Variants in PCDHA8 observed in about 807,000 individuals in gnomAD.
The protein encoded by PCDHA8 is protocadherin alpha 8, also known as protocadherin alpha-8.
PCDHA8 carries 53 observed loss-of-function variants against 61.8 expected under a neutral mutation model. The observed-to-expected ratio is 0.86, with a 90% CI of 0.69 to 1.08. The LOEUF is 1.08. Among genes scored for constraint, PCDHA8 ranks in the 50% least tolerant of loss-of-function variants. The pLI is 0.00. For synonymous variants in PCDHA8, 618 were observed against 556.6 expected, an observed-to-expected ratio of 1.11 and a Z score of -1.55; for missense variants, 1,293 against 1,245.0, an observed-to-expected ratio of 1.04 and a Z score of -0.58.
chr5:140,870,825 C>T, intron 1 of PCDHA8: 1 of 1,613,726 alleles, frequency 6.2e-7, no homozygotes, highest in Non-Finnish European at 8.5e-7. Flanking sequence ...GCGCGGGAGG[C>T]GCAGTTAACA....
intron 1 of PCDHA8, among the ~76,000 whole-genome samples, chr5:140,945,549 G>A (rs246058): frequency 0.56 from 85,718 of 151,780 alleles, 24,784 homozygotes; most frequent in African/African-American, 0.69. Context: ...ACAAAAAAAT[G>A]AAGCTGAAGA....
rs1554205708 is a variant in PCDHA8 at position 140,928,289 on chromosome 5, G to A, written c.2395-50660G>A. 3.1e-6 allele frequency: 5 copies of A among 1,614,170 alleles called. No individual in the cohort carries two copies. In the East Asian group the frequency reaches 6.7e-5, roughly 22 times the overall value. ...AATGGCCCTGGGGCCTCTCTAGGCC[G>A]AGTGTTTGCCCAGGACCCCGACCTG... is the stretch of plus-strand genomic sequence containing the variant. On this transcript the variant is annotated intron_variant, in intron 1 of 3. Coordinates refer to ENST00000531613, the MANE Select transcript of PCDHA8 (RefSeq NM_018911.3).
intron 1 of PCDHA8, chr5:140,969,021 C>T (rs2096289420): frequency 8.1e-6 from 13 of 1,614,146 alleles, no homozygotes; most frequent in Non-Finnish European, 1.1e-5. Context: ...AGGGAAAGGT[C>T]CCCTGCAGAA....
At chr5:140,901,485 C>T (rs894282962) in intron 1 of PCDHA8, among the ~76,000 whole-genome samples, 1 of 152,086 alleles carries the variant, frequency 6.6e-6, no homozygotes, top group African/African-American at 2.4e-5. Context: ...GTTCTTGGCA[C>T]CTTCATCGAA....
chr5:140,973,923 C>T (rs1157032594), intron 1 of PCDHA8, among the ~76,000 whole-genome samples: 1 of 152,170 alleles, frequency 6.6e-6, no homozygotes, highest in African/African-American at 2.4e-5. Flanking sequence ...TCACCAAACC[C>T]AGAGGTTTAG....
rs142640080 is a variant in PCDHA8 at position 140,917,521 on chromosome 5, C to T, written c.2395-61428C>T. Among the ~76,000 whole-genome samples the T allele has an allele frequency of 5.8e-4, 88 of 152,256 alleles. 1 individual carries two copies. In the East Asian group the frequency reaches 0.015, roughly 26 times the overall value. On this transcript the variant is annotated intron_variant, in intron 1 of 3. Transcript: ENST00000531613. ...ATGATATTTTCTAGGTTTTATTCTA[C>T]GGTTTGTATAGTTTTAGGTTTTACA...
chr5:140,846,328 A>G (rs188043229), intron 1 of PCDHA8, among the ~76,000 whole-genome samples: 2 of 147,118 alleles, frequency 1.4e-5, no homozygotes, highest in East Asian at 3.9e-4. Flanking sequence ...TGTTGTAAAT[A>G]GCCTTTTAAA....
chr5:140,978,688 G>A (rs1258023605), intron 1 of PCDHA8, among the ~76,000 whole-genome samples: 2 of 152,238 alleles, frequency 1.3e-5, no homozygotes, highest in African/African-American at 4.8e-5. Context: ...TATTGGGCAA[G>A]GCAAAGCCAA....
intron 1 of PCDHA8, chr5:140,868,693 T>C (rs1284176343): frequency 5.7e-6 from 1 of 176,810 alleles, no homozygotes; most frequent in African/African-American, 2.4e-5. Flanking sequence ...TAATGTTAAG[T>C]CAAACATAGA....
intron 1 of PCDHA8, chr5:140,927,419 G>T (rs781883331): frequency 1.9e-6 from 3 of 1,614,140 alleles, no homozygotes; most frequent in South Asian, 2.2e-5. Flanking sequence ...ATGGGATCGC[G>T]GGTTGACGGC....
At chr5:140,968,190 C>A (rs782155295) in intron 1 of PCDHA8, 2 of 1,613,954 alleles carry the variant, frequency 1.2e-6, no homozygotes, top group African/African-American at 2.7e-5. Flanking sequence ...GACTCCTATT[C>A]CATCTACATA....
chr5:140,842,869 G>A lies in PCDHA8; in HGVS notation c.1548G>A (p.Lys516=), dbSNP rs1562404536. Residue 516 remains lysine (K), a synonymous_variant, in exon 1 of 4, where the codon AAG becomes AAA. Coordinates refer to ENST00000531613, the MANE Select transcript of PCDHA8 (RefSeq NM_018911.3). ...TTTCGGTGCACACGGAGAGCGGCAA[G>A]GTGTACGCGCTGCAGCCGCTGGACC... ...SYISVHTESG[K]VYALQPLDHE... 1 of 1,594,118 alleles carries A rather than the reference G, an allele frequency of 6.3e-7. No individual in the cohort carries two copies. The highest frequency in any genetic ancestry group is 8.6e-7 in the Non-Finnish European group (1 of 1,165,448).
At chr5:140,843,932 T>A (rs1404352255) in intron 1 of PCDHA8, 1 of 583,528 alleles carries the variant, frequency 1.7e-6, no homozygotes, top group Admixed American at 3.5e-5. Flanking sequence ...ACTCAAGTTA[T>A]GGTTGGATGA....
chr5:140,861,362 C>T (rs2046877441), intron 1 of PCDHA8: 11 of 354,006 alleles, frequency 3.1e-5, no homozygotes, highest in South Asian at 2.4e-4. Context: ...ATAGCGTCTT[C>T]GCGGTCCCTA....
intron 1 of PCDHA8, among the ~76,000 whole-genome samples, chr5:140,931,556 A>T (rs2153608416): frequency 6.6e-6 from 1 of 152,166 alleles, no homozygotes; most frequent in East Asian, 1.9e-4. Context: ...ATGTGCAGGA[A>T]TATTGTACCA....
chr5:140,848,561 A>C, intron 1 of PCDHA8: 1 of 1,595,546 alleles, frequency 6.3e-7, no homozygotes. Context: ...TGATCCTCGC[A>C]ATGTGGGTGG....
chr5:141,003,273 G>A (rs782391603), intron 3 of PCDHA8, among the ~76,000 whole-genome samples: 5 of 152,214 alleles, frequency 3.3e-5, no homozygotes, highest in Admixed American at 6.5e-5. Context: ...TAAGGGAAGT[G>A]CCCAAATTGG....
intron 3 of PCDHA8, among the ~76,000 whole-genome samples, chr5:141,002,322 G>A (rs1477526091): frequency 6.6e-6 from 1 of 152,190 alleles, no homozygotes; most frequent in South Asian, 2.1e-4. Context: ...CCTGGAGGCC[G>A]GGCTGCATCC....
At chr5:140,999,240 G>A (rs193018375) in intron 3 of PCDHA8, among the ~76,000 whole-genome samples, 1 of 152,340 alleles carries the variant, frequency 6.6e-6, no homozygotes, top group Non-Finnish European at 1.5e-5. Context: ...GGTGGTTAAA[G>A]TGGGAGTTGG....
Sources: gnomAD v4.1 joint callset for allele counts (sites outside exome capture counted in the v4.1 genomes callset) on GRCh38, gnomAD v4.1.1 for gene constraint, MANE v1.5 for transcripts, NCBI Gene and HGNC (gene_info 2026-07-23, HGNC 2026-07-21) for gene names.